Variants in ACER3 observed in about 807,000 individuals in gnomAD.
ACER3 encodes alkCDase 3.
In ACER3, 16 loss-of-function variants were observed where a neutral mutation model predicts 48.9. The ratio of observed to expected loss-of-function variants is 0.33; its 90% CI spans 0.22 to 0.50. The LOEUF (loss-of-function observed/expected upper bound fraction) is 0.50, where lower values mean the gene tolerates loss of function less well. Ranked by LOEUF, ACER3 falls within the 20% of genes least tolerant of loss-of-function variation. ACER3 has a pLI of 0.98. For missense variants in ACER3, 227 were observed against 326.0 expected (o/e 0.70, Z 2.34); for synonymous variants, 109 against 107.8 (o/e 1.01, Z -0.07).
At chr11:76,975,643 G>A (rs1948421213) in intron 3 of ACER3, among the ~76,000 whole-genome samples, 1 of 151,916 alleles carries the variant, frequency 6.6e-6, no homozygotes, top group African/African-American at 2.4e-5. Flanking sequence ...TTTTCTGGAG[G>A]TACAATATCA....
intron 1 of ACER3, among the ~76,000 whole-genome samples, chr11:76,886,964 C>T (rs1299535528): frequency 6.6e-6 from 1 of 152,186 alleles, no homozygotes; most frequent in African/African-American, 2.4e-5. Context: ...AGGCGTGAGC[C>T]ATACCACCAT....
At chr11:76,959,754 A>T (rs1022365888) in intron 3 of ACER3, among the ~76,000 whole-genome samples, 3 of 151,648 alleles carry the variant, frequency 2.0e-5, no homozygotes, top group Non-Finnish European at 4.4e-5. Context: ...GGGTTTCAAC[A>T]TGTTGGCCAG....
intron 7 of ACER3, among the ~76,000 whole-genome samples, chr11:77,005,285 G>A (rs781968969): frequency 5.9e-5 from 9 of 151,940 alleles, no homozygotes; most frequent in African/African-American, 9.7e-5. Flanking sequence ...TCCGCTGGCC[G>A]TTAGTGTGTC....
At chr11:76,998,381 A>G (rs551066321) in intron 6 of ACER3, among the ~76,000 whole-genome samples, 5 of 152,128 alleles carry the variant, frequency 3.3e-5, no homozygotes, top group African/African-American at 9.6e-5. Flanking sequence ...GGTTTATACT[A>G]TTGTAAAATG....
At chr11:76,905,978 C>G in intron 1 of ACER3, among the ~76,000 whole-genome samples, 1 of 152,202 alleles carries the variant, frequency 6.6e-6, no homozygotes, top group East Asian at 1.9e-4. Context: ...AGATGGTTGA[C>G]TTTTGAAACT....
chr11:76,997,540 G>A (rs1226584763), intron 6 of ACER3, among the ~76,000 whole-genome samples: 1 of 152,214 alleles, frequency 6.6e-6, no homozygotes, highest in African/African-American at 2.4e-5. Flanking sequence ...GATACAGGGT[G>A]AGAGTTATAG....
intron 3 of ACER3, 45 bp downstream of exon 3, chr11:76,959,076 G>T: frequency 6.2e-7 from 1 of 1,612,806 alleles, no homozygotes; most frequent in African/African-American, 1.3e-5. Flanking sequence ...TCTTAATTCA[G>T]AAGTACTTCA....
chr11:76,868,389 CTCTGTGTGTG>C (rs1368692096), intron 1 of ACER3: 35 of 187,140 alleles, frequency 1.9e-4, no homozygotes, highest in South Asian at 5.9e-4. Flanking sequence ...CTCTCTCTCT[CTCTGTGTGTG>C]TGTGTGTGTG....
At chr11:76,905,740 C>A (rs1012572738) in intron 1 of ACER3, among the ~76,000 whole-genome samples, 3 of 151,960 alleles carry the variant, frequency 2.0e-5, no homozygotes, top group African/African-American at 7.3e-5. Flanking sequence ...GCATACTATA[C>A]AGAAATTAAA....
At chr11:77,016,130 T>A (rs974321642) in intron 8 of ACER3, among the ~76,000 whole-genome samples, 10 of 138,434 alleles carry the variant, frequency 7.2e-5, no homozygotes, top group Admixed American at 1.5e-4. Flanking sequence ...AAAAAAAAAA[T>A]TTGCAGAGGC....
At chr11:76,967,056 G>A (rs531218945) in intron 3 of ACER3, among the ~76,000 whole-genome samples, 14 of 151,988 alleles carry the variant, frequency 9.2e-5, no homozygotes, top group South Asian at 6.2e-4. Context: ...TTGATAGACC[G>A]CTAGCAAGAC....
intron 7 of ACER3, among the ~76,000 whole-genome samples, chr11:77,000,606 G>A (rs914132672): frequency 3.3e-5 from 5 of 152,168 alleles, no homozygotes; most frequent in Admixed American, 3.3e-4. Flanking sequence ...GAGGCATAGG[G>A]TGAGGTTCTG....
At chr11:76,935,380 A>G (rs188705179) in intron 2 of ACER3, among the ~76,000 whole-genome samples, 1 of 152,300 alleles carries the variant, frequency 6.6e-6, no homozygotes, top group East Asian at 1.9e-4. Flanking sequence ...TAATATGTAT[A>G]TTGAAAGGTC....
At position 76,895,710 on chromosome 11, in the gene ACER3, A is replaced by G. The variant is rs115441611; in HGVS notation, c.104-30847A>G. 2.6e-3 allele frequency among the ~76,000 whole-genome samples: 399 copies of G among 152,322 alleles called. 2 individuals are homozygous for G. Among genetic ancestry groups the G allele is most frequent in the African/African-American group, 9.2e-3 (382 of 41,568 alleles). ...GGCAGAGAAAAGAAAACAAGTACCT[A>G]TGTGTGAAGATGAAACTGCAAGCAG... is the stretch of plus-strand genomic sequence containing the variant. On this transcript the variant is annotated intron_variant, in intron 1 of 10. Transcript: ENST00000532485.
intron 2 of ACER3, among the ~76,000 whole-genome samples, chr11:76,951,799 A>G (rs889732040): frequency 3.3e-5 from 5 of 152,154 alleles, no homozygotes; most frequent in African/African-American, 1.2e-4. Flanking sequence ...AGAATCCAAA[A>G]GTGGTCTTTG....
chr11:76,872,171 G>A (rs1825273465), intron 1 of ACER3, among the ~76,000 whole-genome samples: 1 of 151,826 alleles, frequency 6.6e-6, no homozygotes, highest in South Asian at 2.1e-4. Flanking sequence ...CTGCCTCCTG[G>A]GTTCAGATTA....
At chr11:76,908,644 A>G (rs1193836244) in intron 1 of ACER3, among the ~76,000 whole-genome samples, 1 of 152,252 alleles carries the variant, frequency 6.6e-6, no homozygotes, top group Non-Finnish European at 1.5e-5. Context: ...GATAGAAAGA[A>G]TCAATATTGT....
chr11:77,016,822 GT>G lies in ACER3; in HGVS notation c.704+54del, dbSNP rs112678860. 0.048 allele frequency: 40,189 copies of G among 839,022 alleles called. 7,347 individuals are homozygous for G. In the African/African-American group the frequency reaches 0.53, roughly 11 times the overall value. The allele number at this position is 839,022 out of a possible 1,614,324, so 52.0% of individuals were successfully genotyped here. On this transcript the variant is annotated intron_variant, in intron 9 of 10. Coordinates refer to ENST00000532485, the MANE Select transcript of ACER3 (RefSeq NM_018367.7). ...TTTTAGCCTCGTACTAGAGTTTGTT[GT>G]TTTTTTTTTTCTTTACTCTTTAAAT...
chr11:76,932,049 AG>A (rs2134850361), intron 2 of ACER3, among the ~76,000 whole-genome samples: 1 of 151,674 alleles, frequency 6.6e-6, no homozygotes, highest in Non-Finnish European at 1.5e-5. Flanking sequence ...CCCAGGTGCA[AG>A]CGATCCTCCT....
Sources: gnomAD v4.1 joint callset for allele counts (sites outside exome capture counted in the v4.1 genomes callset) on GRCh38, gnomAD v4.1.1 for gene constraint, MANE v1.5 for transcripts, NCBI Gene and HGNC (gene_info 2026-07-23, HGNC 2026-07-21) for gene names.